The following MUSK variants were observed in gnomAD, a reference collection of about 807,000 sequenced individuals.
MUSK encodes muscle associated receptor tyrosine kinase.
Under a neutral mutation model 88.7 loss-of-function variants are expected in MUSK, and 55 were observed. The observed-to-expected ratio is 0.62, with a 90% CI of 0.50 to 0.78. The LOEUF (loss-of-function observed/expected upper bound fraction) is 0.78. Among genes scored for constraint, MUSK ranks in the 30% least tolerant of loss-of-function variants. MUSK has a pLI of 0.00. For synonymous variants in MUSK, 387 were observed against 391.9 expected, an observed-to-expected ratio of 0.99 and a Z score of 0.15; for missense variants, 1,015 against 1,074.3, an observed-to-expected ratio of 0.94 and a Z score of 0.77.
chr9:110,747,772 C>T lies in MUSK; in HGVS notation c.885C>T (p.Ala295=), dbSNP rs756029372. The T allele has an allele frequency of 8.7e-6, 14 of 1,613,810 alleles. No individual in the cohort carries two copies. The East Asian group carries it at 3.1e-4, about 36-fold the overall frequency. The change falls in exon 7 of 15, where the codon GCC becomes GCT. Residue 295 remains alanine (A), a synonymous_variant. Coordinates refer to ENST00000374448, the MANE Select transcript of MUSK (RefSeq NM_005592.4). ...AGCATGGGGAGAAGTTCAGTACTGC[C>T]AAGGCTGCAGCCACCATCAGCATAG... ...TNKHGEKFST[A]KAAATISIAE... is the part of the protein sequence containing the mutation.
chr9:110,688,876 T>G (rs183512469), intron 3 of MUSK, among the ~76,000 whole-genome samples: 450 of 150,516 alleles, frequency 3.0e-3, no homozygotes, highest in African/African-American at 0.01. Context: ...AATGGGCATT[T>G]AGGTTGTTTG....
At chr9:110,692,992 T>C (rs1564222950) in intron 3 of MUSK, among the ~76,000 whole-genome samples, 1 of 151,952 alleles carries the variant, frequency 6.6e-6, no homozygotes, top group South Asian at 2.1e-4. Context: ...GGGAATAGCA[T>C]GACTTTATGG....
At position 110,767,833 on chromosome 9, in the gene MUSK, G is replaced by A. The variant is rs376831940; in HGVS notation, c.934G>A (p.Asp312Asn). ...TTCTTCTTTCAGTAAACCACAGAAAGATAACAAAGGCTACTGCGCCCAGTA... is the reference window on the plus strand; with the variant it reads ...TTCTTCTTTCAGTAAACCACAGAAAAATAACAAAGGCTACTGCGCCCAGTA... ...SIAEWSKPQK[D>N]NKGYCAQYRG... Residue 312 changes from aspartate (D) to asparagine (N), a missense_variant, in exon 9 of 15, where the codon GAT (aspartate) becomes AAT (asparagine). Transcript: ENST00000374448. 2 of 1,613,974 alleles carry A rather than the reference G, an allele frequency of 1.2e-6. No individual in the cohort carries two copies. Among genetic ancestry groups the A allele is most frequent in the Non-Finnish European group, 1.7e-6 (2 of 1,179,880 alleles).
At chr9:110,682,231 T>TA (rs1166514382) in intron 1 of MUSK, among the ~76,000 whole-genome samples, 1 of 152,136 alleles carries the variant, frequency 6.6e-6, no homozygotes, top group African/African-American at 2.4e-5. Context: ...TGTCTATTTT[T>TA]ATAAAATTAG....
At position 110,800,847 on chromosome 9, in the gene MUSK, C is replaced by A; in HGVS notation, c.2469C>A (p.Cys823Ter). The A allele has an allele frequency of 1.2e-6, 2 of 1,608,494 alleles. No individual in the cohort carries two copies. Among genetic ancestry groups the A allele is most frequent in the Non-Finnish European group, 1.7e-6 (2 of 1,176,158 alleles). Residue 823 changes from cysteine (C) to a stop codon, truncating the protein, a stop_gained, in exon 15 of 15, where the codon TGC becomes TGA. Coordinates refer to ENST00000374448, the MANE Select transcript of MUSK (RefSeq NM_005592.4). LOFTEE classifies it high-confidence loss of function. ...TGCGAGATGGCAACATCCTCTCCTG[C>A]CCTGAGAACTGCCCCGTGGAGCTGT... ...YYVRDGNILS[C>*]PENCPVELYN...
In MUSK at chr9:110,668,871, A is replaced by G; in HGVS notation, c.-34A>G. 2 of 1,569,292 alleles carry G rather than the reference A, an allele frequency of 1.3e-6. No homozygotes were observed. Among genetic ancestry groups the G allele is most frequent in the South Asian group, 1.1e-5 (1 of 90,030 alleles). On this transcript the variant is annotated 5_prime_UTR_variant, in exon 1 of 15. Coordinates refer to ENST00000374448, the MANE Select transcript of MUSK (RefSeq NM_005592.4). ...GAGCCATTTTCCTTGCGTTGTCCAG[A>G]AGGAACTTCGTCCTGCGTGAGCCTG...
chr9:110,682,502 G>A (rs1405586656), intron 1 of MUSK, among the ~76,000 whole-genome samples, 172 bp from the exon 2 acceptor site: 3 of 152,004 alleles, frequency 2.0e-5, no homozygotes, highest in Admixed American at 6.6e-5. Flanking sequence ...CAAATGCCTA[G>A]TTTGGAAGTA....
At chr9:110,756,704 A>G (rs536554732) in intron 7 of MUSK, among the ~76,000 whole-genome samples, 1 of 152,080 alleles carries the variant, frequency 6.6e-6, no homozygotes. Flanking sequence ...CTTTCTCCTT[A>G]TATTTGCTGA....
rs2076689895 is a variant in MUSK, at chr9:110,712,841, T to C, written c.628+15375T>C. ...GGATACAGACGAAAGAGAGATGTGG[T>C]TCATTTCTTGAAAAGTGTTCAAATT... On this transcript the variant is annotated intron_variant, in intron 5 of 14. Coordinates refer to ENST00000374448, the MANE Select transcript of MUSK (RefSeq NM_005592.4). 2.0e-5 allele frequency among the ~76,000 whole-genome samples: 3 copies of C among 152,162 alleles called. No individual in the cohort carries two copies. In the South Asian group the frequency reaches 6.2e-4, roughly 32 times the overall value.
At chr9:110,752,276 C>T (rs947358627) in intron 7 of MUSK, among the ~76,000 whole-genome samples, 4 of 152,198 alleles carry the variant, frequency 2.6e-5, no homozygotes, top group South Asian at 2.1e-4. Flanking sequence ...CCTCCCAACA[C>T]TGGGGTGCTC....
At chr9:110,703,211 T>C (rs2076554185) in intron 5 of MUSK, among the ~76,000 whole-genome samples, 1 of 151,952 alleles carries the variant, frequency 6.6e-6, no homozygotes, top group Non-Finnish European at 1.5e-5. Context: ...CTTAAAGTAA[T>C]TAAAAATGCA....
rs1169294375 is a variant in MUSK, at chr9:110,805,723, A to G, written c.*4735A>G. On this transcript the variant is annotated 3_prime_UTR_variant, in exon 15 of 15. Coordinates refer to ENST00000374448, the MANE Select transcript of MUSK (RefSeq NM_005592.4). Reference sequence around the variant, plus strand: ...TGGATTTGTTAATATGTTCAATTGTATGAATTTATTTCCTAATGTAGCGAT... The same window carrying G: ...TGGATTTGTTAATATGTTCAATTGTGTGAATTTATTTCCTAATGTAGCGAT... Among the ~76,000 whole-genome samples the G allele has an allele frequency of 1.3e-5, 2 of 151,954 alleles. No homozygotes were observed. The highest frequency in any genetic ancestry group is 2.4e-5 in the African/African-American group (1 of 41,430).
chr9:110,783,866 A>ATT (rs2132019260), intron 11 of MUSK, among the ~76,000 whole-genome samples: 1 of 152,168 alleles, frequency 6.6e-6, no homozygotes, highest in African/African-American at 2.4e-5. Context: ...AATACACACT[A>ATT]TTAAGAGGCT....
intron 5 of MUSK, among the ~76,000 whole-genome samples, chr9:110,730,563 C>T (rs1337827180): frequency 1.3e-5 from 2 of 151,972 alleles, no homozygotes; most frequent in African/African-American, 4.8e-5. Context: ...ATTGTGACTA[C>T]CACTGAAATA....
intron 5 of MUSK, among the ~76,000 whole-genome samples, chr9:110,701,519 CT>C: frequency 6.6e-6 from 1 of 152,094 alleles, no homozygotes; most frequent in East Asian, 1.9e-4. Flanking sequence ...CAAAGTCTCA[CT>C]CTGTTGCTCA....
At chr9:110,787,868 T>C (rs2077902478) in intron 14 of MUSK, 30 bp downstream of exon 14, 1 of 1,593,264 alleles carries the variant, frequency 6.3e-7, no homozygotes, top group African/African-American at 1.3e-5. Flanking sequence ...GATATGTATT[T>C]CATCAGAAAA....
intron 1 of MUSK, among the ~76,000 whole-genome samples, chr9:110,678,938 T>C (rs996954938): frequency 6.6e-6 from 1 of 152,104 alleles, no homozygotes; most frequent in Non-Finnish European, 1.5e-5. Context: ...CTTACAGATT[T>C]TATTATGGTT....
At chr9:110,786,177 G>A (rs2077858573) in intron 13 of MUSK, among the ~76,000 whole-genome samples, 1 of 151,020 alleles carries the variant, frequency 6.6e-6, no homozygotes, top group African/African-American at 2.4e-5. Context: ...CAGGCATGGT[G>A]GTGCACAACT....
At chr9:110,788,763 T>G (rs746014961) in intron 14 of MUSK, among the ~76,000 whole-genome samples, 2 of 152,058 alleles carry the variant, frequency 1.3e-5, no homozygotes, top group Non-Finnish European at 2.9e-5. Flanking sequence ...TTTAAAGTGT[T>G]AAAGCAGAGA....
Sources: allele counts gnomAD v4.1 joint callset (sites outside exome capture counted in the v4.1 genomes callset), GRCh38; gene constraint gnomAD v4.1.1; transcripts MANE v1.5; gene names NCBI Gene and HGNC (gene_info 2026-07-23, HGNC 2026-07-21).